TBX22: variants seen among roughly 807,000 people sequenced by gnomAD.
TBX22 encodes T-box transcription factor 22.
Under a neutral mutation model 30.1 loss-of-function variants are expected in TBX22, and 8 were observed. That is an observed-to-expected ratio of 0.27 (90% CI 0.16 to 0.48). TBX22 has a LOEUF of 0.48. Ranked by LOEUF, TBX22 falls within the 20% of genes least tolerant of loss-of-function variation. The pLI, the probability that TBX22 is intolerant of heterozygous loss-of-function variation, is 0.99. For missense variants in TBX22, 463 were observed against 400.5 expected (o/e 1.16, Z -1.33); for synonymous variants, 173 against 149.1 (o/e 1.16, Z -1.17).
intron 3 of TBX22, 42 bp from the exon 4 acceptor site, chrX:80,024,021 T>G (rs1224207925): frequency 2.6e-6 from 3 of 1,167,797 alleles, no homozygotes; most frequent in Admixed American, 4.3e-5. Context: ...TTCCAAACAT[T>G]TCTAAAAGCT....
chrX:80,027,374 GTTTTTTTT>G, intron 7 of TBX22, 54 bp downstream of exon 7: 1 of 424,890 alleles, frequency 2.4e-6, no homozygotes. Flanking sequence ...ATTTTCACAA[GTTTTTTTT>G]TTTTTTTTTT....
At chrX:80,015,193 C>T in intron 1 of TBX22, among the ~76,000 whole-genome samples, 1 of 112,316 alleles carries the variant, frequency 8.9e-6, no homozygotes, top group Admixed American at 9.4e-5. Context: ...AATAGTCCCT[C>T]TCCTAGGCAG....
intron 1 of TBX22, among the ~76,000 whole-genome samples, chrX:80,017,725 T>C (rs1009219232): frequency 9.0e-6 from 1 of 111,482 alleles, no homozygotes; most frequent in African/African-American, 3.3e-5. Context: ...TGGTGGCAAA[T>C]TTCCTAGGAA....
chrX:80,025,980 G>T (rs896009835), intron 5 of TBX22, among the ~76,000 whole-genome samples: 2 of 111,598 alleles, frequency 1.8e-5, no homozygotes, highest in Non-Finnish European at 3.8e-5. Flanking sequence ...GGCGACTGGG[G>T]ATGGTGAATA....
intron 1 of TBX22, among the ~76,000 whole-genome samples, chrX:80,016,981 G>C (rs1475947772): frequency 1.1e-5 from 1 of 92,790 alleles, no homozygotes; most frequent in East Asian, 4.5e-4. Context: ...ACTCCAGCCT[G>C]GGCAACAGAG....
At chrX:80,027,225 C>A in intron 6 of TBX22, 31 bp from the exon 7 acceptor site, 1 of 829,385 alleles carries the variant, frequency 1.2e-6, no homozygotes, top group Non-Finnish European at 1.8e-6. Flanking sequence ...AAAGCAATGA[C>A]TTTATCTTTC....
chrX:80,015,438 G>C (rs1165062397), intron 1 of TBX22, among the ~76,000 whole-genome samples: 2 of 112,602 alleles, frequency 1.8e-5, no homozygotes, highest in African/African-American at 6.5e-5. Flanking sequence ...AGGAGCTCTA[G>C]ATCCACAGAG....
rs188139172 is a variant in TBX22 at position 80,027,243 on chromosome X, A to G, written c.799-13A>G. On this transcript the variant is annotated splice_polypyrimidine_tract_variant and intron_variant, in intron 6 of 8. Transcript: ENST00000373296. The stretch of plus-strand genomic sequence containing the variant: ...GCAATGACTTTATCTTTCTCTCTCT[A>G]TTGAATCCATAGATTACGAAACTAA... 1.6e-4 allele frequency: 152 copies of G among 931,922 alleles called. 1 individual carries two copies. In the East Asian group the frequency reaches 4.3e-3, roughly 26 times the overall value. The allele number at this position is 931,922 out of a possible 1,213,427, so 76.8% of individuals were successfully genotyped here.
intron 1 of TBX22, among the ~76,000 whole-genome samples, chrX:80,020,019 C>A (rs903550637): frequency 9.0e-6 from 1 of 111,174 alleles, no homozygotes. Flanking sequence ...CAACAAACAT[C>A]TTTTGCTTTA....
chrX:80,029,651 C>G (rs1223652818), intron 8 of TBX22, among the ~76,000 whole-genome samples: 2 of 111,835 alleles, frequency 1.8e-5, no homozygotes, highest in Non-Finnish European at 3.8e-5. Flanking sequence ...TACCTTTGGT[C>G]AGAGGAATTT....
chrX:80,020,534 A>G (rs1408222710), intron 1 of TBX22, among the ~76,000 whole-genome samples: 1 of 112,023 alleles, frequency 8.9e-6, no homozygotes, highest in Non-Finnish European at 1.9e-5. Context: ...GTCTTTCTCA[A>G]TTCTGCATGG....
At position 80,027,308 on chromosome X, in the gene TBX22, C is replaced by G. The variant is rs1924023214; in HGVS notation, c.851C>G (p.Thr284Ser). 6.5e-6 allele frequency: 7 copies of G among 1,083,775 alleles called. No individual in the cohort carries two copies. Among genetic ancestry groups the G allele is most frequent in the Non-Finnish European group, 9.0e-6 (7 of 781,207 alleles). 89.3% of individuals were successfully genotyped at this position (1,083,775 alleles called of 1,213,427 possible). A position where few individuals can be genotyped will look rare whatever the true frequency, so the allele number is the denominator to read the frequency against. The change falls in exon 7 of 9, where the codon ACT becomes AGT. Residue 284 changes from threonine to serine, a missense_variant. Physicochemically the swap from Thr to Ser is moderately conservative, Grantham distance 58 (BLOSUM62 1). Coordinates refer to ENST00000373296, the MANE Select transcript of TBX22 (RefSeq NM_001109878.2). The stretch of plus-strand genomic sequence containing the variant: ...CCTTTTGCTAAAGGATTTAGAGATA[C>G]TGGAAGAAACAGGTAAGCAGCATAG... ...RNPFAKGFRDTGRNRGVLDGL... is the reference protein window; with the variant it reads ...RNPFAKGFRDSGRNRGVLDGL...
chrX:80,026,160 G>T (rs1923962630), intron 5 of TBX22, among the ~76,000 whole-genome samples: 1 of 111,155 alleles, frequency 9.0e-6, no homozygotes, highest in African/African-American at 3.3e-5. Context: ...CCAGTGTATG[G>T]TATGTGTGAT....
In TBX22 at chrX:80,031,148, C is replaced by T. The variant is rs1924237384; in HGVS notation, c.*37C>T. On this transcript the variant is annotated 3_prime_UTR_variant, in exon 9 of 9. Transcript: ENST00000373296. ...CATTTCTAGAACAATTACATGTAAA[C>T]AAATATTTTCTTTATTTGTAGCCAA... The T allele has an allele frequency of 8.6e-7, 1 of 1,166,595 alleles. No homozygotes were observed. The highest frequency in any genetic ancestry group is 2.4e-4 in the Middle Eastern group (1 of 4,179).
intron 4 of TBX22, among the ~76,000 whole-genome samples, chrX:80,025,341 G>A (rs1480962774): frequency 8.9e-6 from 1 of 112,199 alleles, no homozygotes. Context: ...CAATTTCTGT[G>A]GTGGTTTCTG....
chrX:80,023,079 G>A lies in TBX22; in HGVS notation c.195G>A (p.Glu65=). The change falls in exon 3 of 9, where the codon GAG becomes GAA. Residue 65 remains glutamate (E), a synonymous_variant. Transcript: ENST00000373296. ...SEPLEKQPKT[E]PSTSASSGCG... is the part of the protein sequence containing the mutation. ...CAGCAGAAAAACAACCTAAGACAGA[G>A]CCCTCAACATCTGCTTCCTCTGGCT... 8.3e-7 allele frequency: 1 copy of A among 1,211,668 alleles called. No homozygotes were observed. The highest frequency in any genetic ancestry group is 1.1e-6 in the Non-Finnish European group (1 of 895,473).
Position 80,027,873 on chromosome X carries a change from C to T in TBX22, c.864-118C>T, listed in dbSNP as rs745456707. On this transcript the variant is annotated intron_variant, in intron 7 of 8. Coordinates refer to ENST00000373296, the MANE Select transcript of TBX22 (RefSeq NM_001109878.2). Reference sequence around the variant, plus strand: ...GACTGAATTTTATTCAGAAGTCTAGCTATATAAAAGAGAAATATTTAAAAT... The same window carrying T: ...GACTGAATTTTATTCAGAAGTCTAGTTATATAAAAGAGAAATATTTAAAAT... 1.4e-5 allele frequency: 8 copies of T among 570,732 alleles called. No homozygotes were observed. In the Admixed American group the frequency reaches 1.7e-4, roughly 12 times the overall value. The allele number at this position is 570,732 out of a possible 1,213,427, so 47.0% of individuals were successfully genotyped here. A position where few individuals can be genotyped will look rare whatever the true frequency, so the allele number is the denominator to read the frequency against.
At chrX:80,027,373 A>G in intron 7 of TBX22, 53 bp downstream of exon 7, 1 of 550,180 alleles carries the variant, frequency 1.8e-6, no homozygotes, top group Non-Finnish European at 2.9e-6. Flanking sequence ...TATTTTCACA[A>G]GTTTTTTTTT....
At chrX:80,017,280 T>TGTG (rs1923491642) in intron 1 of TBX22, among the ~76,000 whole-genome samples, 4 of 93,955 alleles carry the variant, frequency 4.3e-5, no homozygotes, top group East Asian at 7.3e-4. Context: ...GGTGTTGTTT[T>TGTG]TGTGTGTGTG....
Sources: allele counts gnomAD v4.1 joint callset (sites outside exome capture counted in the v4.1 genomes callset), GRCh38; gene constraint gnomAD v4.1.1; transcripts MANE v1.5; gene names NCBI Gene and HGNC (gene_info 2026-07-23, HGNC 2026-07-21).